The following KAT6A variants were observed in gnomAD, a reference collection of about 807,000 sequenced individuals.
The protein encoded by KAT6A is histone acetyltransferase KAT6A.
Under a neutral mutation model 198.4 loss-of-function variants are expected in KAT6A, and 9 were observed. The observed-to-expected ratio is 0.05, with a 90% CI of 0.03 to 0.08. The LOEUF is 0.08. Ranked by LOEUF, KAT6A falls within the 10% of genes least tolerant of loss-of-function variation. The probability of loss-of-function intolerance (pLI) is 1.00; values close to 1 mark genes in which losing one functional copy is unlikely to be tolerated. For missense variants in KAT6A, 2,077 were observed against 2,509.9 expected (o/e 0.83, Z 3.69); for synonymous variants, 890 against 883.0 (o/e 1.01, Z -0.14).
chr8:42,012,745 C>A (rs1826082536), intron 2 of KAT6A, among the ~76,000 whole-genome samples: 1 of 152,170 alleles, frequency 6.6e-6, no homozygotes, highest in Non-Finnish European at 1.5e-5. Context: ...ACTATATTCA[C>A]ACAAAAACCT....
At chr8:41,987,350 G>A in intron 3 of KAT6A, 105 bp downstream of exon 3, 1 of 693,288 alleles carries the variant, frequency 1.4e-6, no homozygotes, top group Non-Finnish European at 2.6e-6. Context: ...AAAGATGTAT[G>A]ACTGTATTAA....
intron 9 of KAT6A, among the ~76,000 whole-genome samples, chr8:41,950,674 A>G (rs1171751567): frequency 6.6e-6 from 1 of 152,240 alleles, no homozygotes. Flanking sequence ...ATGATAGAGT[A>G]AAAAACAGTG....
intron 3 of KAT6A, among the ~76,000 whole-genome samples, chr8:41,986,094 C>A (rs1824588217): frequency 1.3e-5 from 2 of 152,140 alleles, no homozygotes; most frequent in African/African-American, 4.8e-5. Flanking sequence ...GTGCGAACCA[C>A]CACGCCCAGC....
chr8:41,941,788 C>T (rs1205164508), intron 14 of KAT6A, among the ~76,000 whole-genome samples: 1 of 152,160 alleles, frequency 6.6e-6, no homozygotes, highest in Admixed American at 6.5e-5. Context: ...ACTCCAGAGC[C>T]TATGTTCTGA....
Position 41,979,837 on chromosome 8 carries a change from C to G in KAT6A, c.907+1009G>C, listed in dbSNP as rs1426834581. Among the ~76,000 whole-genome samples, 4 of 152,126 alleles carry G rather than the reference C, an allele frequency of 2.6e-5. No homozygotes were observed. In the East Asian group the frequency reaches 7.7e-4, roughly 29 times the overall value. ...CCAACATGGCAAAACCCCATCTCTA[C>G]TAAAAATACAAAAATTAGCCAGGTG... On this transcript the variant is annotated intron_variant, in intron 5 of 16. Transcript: ENST00000265713.
intron 2 of KAT6A, among the ~76,000 whole-genome samples, chr8:42,030,085 T>C (rs372891018): frequency 1.1e-4 from 17 of 152,226 alleles, no homozygotes; most frequent in South Asian, 1.0e-3. Flanking sequence ...TCAAGGGCAA[T>C]TGGGCGCCAG....
chr8:41,971,897 G>GAA (rs140089536), intron 8 of KAT6A, among the ~76,000 whole-genome samples: 3 of 148,512 alleles, frequency 2.0e-5, no homozygotes, highest in East Asian at 3.9e-4. Flanking sequence ...GTATGACAGA[G>GAA]AAAAAAAAAA....
chr8:41,933,784 T>A lies in KAT6A; in HGVS notation c.4436A>T (p.His1479Leu). The A allele has an allele frequency of 2.5e-6, 4 of 1,614,138 alleles. No homozygotes were observed. Among genetic ancestry groups the A allele is most frequent in the Non-Finnish European group, 3.4e-6 (4 of 1,180,026 alleles). Residue 1479 changes from histidine to leucine, a missense_variant, in exon 17 of 17, where the codon CAT (histidine) becomes CTT (leucine). This residue lies in a region of KAT6A where 178 missense variants were observed against 220.8 expected (regional missense o/e 0.81). Transcript: ENST00000265713. The surrounding 1 kb of genome is among the most constrained non-coding windows in gnomAD (Gnocchi z 6.2). ...SMVEDCHASE[H>L]NSPISSVQSH... is the part of the protein sequence containing the mutation. ...CTGAACGGAGGAGATAGGGCTATTA[T>A]GTTCTGACGCATGACAGTCTTCAAC...
Position 41,941,233 on chromosome 8 carries a change from T to G in KAT6A, c.2648A>C (p.Asp883Ala). 1 of 1,614,192 alleles carries G rather than the reference T, an allele frequency of 6.2e-7. No individual in the cohort carries two copies. Among genetic ancestry groups the G allele is most frequent in the Non-Finnish European group, 8.5e-7 (1 of 1,180,028 alleles). The change falls in exon 15 of 17, where the codon GAT (aspartate) becomes GCT (alanine). Residue 883 changes from aspartate (D) to alanine (A), a missense_variant. Asp to Ala is a moderately radical substitution (Grantham distance 126). Transcript: ENST00000265713. ...RKTQERFGDK[D>A]SKLLLEETSS... ...CGTCTCTTCCAAGAGCAGTTTAGAA[T>G]CTTTATCACCAAAACGTTCCTGGGT...
chr8:42,025,378 A>C (rs1826759077), intron 2 of KAT6A, among the ~76,000 whole-genome samples: 1 of 151,514 alleles, frequency 6.6e-6, no homozygotes. Flanking sequence ...TGCCTGGCTA[A>C]TTTTTTGTAT....
chr8:41,974,952 T>C (rs982542791), intron 7 of KAT6A, 130 bp from the exon 8 acceptor site: 4 of 494,076 alleles, frequency 8.1e-6, no homozygotes, highest in African/African-American at 7.9e-5. Context: ...AAACTGACTC[T>C]TAGAAGAATG....
chr8:42,032,086 T>C (rs1306933941), intron 2 of KAT6A, among the ~76,000 whole-genome samples: 1 of 152,064 alleles, frequency 6.6e-6, no homozygotes, highest in African/African-American at 2.4e-5. Flanking sequence ...CCTGCCACCA[T>C]GCCTGGCTAA....
At chr8:41,939,778 C>T (rs940498370) in intron 15 of KAT6A, among the ~76,000 whole-genome samples, 3 of 152,058 alleles carry the variant, frequency 2.0e-5, no homozygotes, top group Admixed American at 6.5e-5. Flanking sequence ...AAATGTAATG[C>T]GATATGCTGG....
Position 41,934,320 on chromosome 8 carries a change from C to G in KAT6A, c.3900G>C (p.Glu1300Asp), listed in dbSNP as rs772517708. ...CAGTCTCTGCAGCTGCATCTTCCTC[C>G]TCCTCTGGCTCTGGCTCCTCTAATT... is the stretch of plus-strand genomic sequence containing the variant. ...QQELEEPEPE[E>D]EEDAAAETAQ... The change falls in exon 17 of 17, where the codon GAG becomes GAC. Residue 1300 changes from glutamate to aspartate, a missense_variant. Around this residue, in one of 13 missense-constraint regions of KAT6A, gnomAD observed 375 missense variants for 383.0 expected, o/e 0.98. Transcript: ENST00000265713. 1.9e-6 allele frequency: 3 copies of G among 1,614,108 alleles called. No individual in the cohort carries two copies. Among genetic ancestry groups the G allele is most frequent in the Middle Eastern group, 1.6e-4 (1 of 6,062 alleles).
chr8:41,951,725 T>C lies in KAT6A; in HGVS notation c.1599-2362A>G, dbSNP rs1018030590. On this transcript the variant is annotated intron_variant, in intron 9 of 16. Transcript: ENST00000265713. Reference sequence around the variant, plus strand: ...TCTAACTTCTAGAATGATGCAATTATTATTCTCAGGAATTTCTACAGTACC... The same window carrying C: ...TCTAACTTCTAGAATGATGCAATTACTATTCTCAGGAATTTCTACAGTACC... Among the ~76,000 whole-genome samples the C allele has an allele frequency of 5.9e-5, 9 of 152,246 alleles. No homozygotes were observed. The South Asian group carries it at 6.2e-4, about 10-fold the overall frequency.
In KAT6A at chr8:41,933,705, A is replaced by G. The variant is rs2150856027; in HGVS notation, c.4515T>C (p.Leu1505=). Residue 1505 remains leucine (L), a synonymous_variant, in exon 17 of 17, where the codon CTT becomes CTC. Coordinates refer to ENST00000265713, the MANE Select transcript of KAT6A (RefSeq NM_006766.5). This position sits in a 1 kb window ranked among gnomAD's most constrained non-coding sequence, Gnocchi z 6.2. The part of the protein sequence containing the change: ...RSVSSPNVPA[L]ESGYTQISPE... ...GGCTGATCTGGGTGTAGCCACTCTCAAGGGCAGGCACGTTGGGACTGCTGA... is the reference window on the plus strand; with the variant it reads ...GGCTGATCTGGGTGTAGCCACTCTCGAGGGCAGGCACGTTGGGACTGCTGA... 2 of 1,614,076 alleles carry G rather than the reference A, an allele frequency of 1.2e-6. No homozygotes were observed. Among genetic ancestry groups the G allele is most frequent in the Non-Finnish European group, 1.7e-6 (2 of 1,180,016 alleles).
intron 9 of KAT6A, among the ~76,000 whole-genome samples, chr8:41,952,474 A>T (rs980012118): frequency 1.3e-5 from 2 of 152,238 alleles, no homozygotes; most frequent in Non-Finnish European, 2.9e-5. Context: ...ACCAAATGAA[A>T]CAGTATTATT....
rs764144925 is a variant in KAT6A at position 41,977,266 on chromosome 8, T to C, written c.1105A>G (p.Thr369Ala). The stretch of plus-strand genomic sequence containing the variant: ...GATGATGCTGATTGGCTGGAAAGAG[T>C]GATTTTTCGTTTCCTACCCCTTCCA... ...GPGRGRKRKITLSSQSASSSS... is the reference protein window; with the variant it reads ...GPGRGRKRKIALSSQSASSSS... The change falls in exon 7 of 17, where the codon ACT (threonine) becomes GCT (alanine). Residue 369 changes from threonine to alanine, a missense_variant. Coordinates refer to ENST00000265713, the MANE Select transcript of KAT6A (RefSeq NM_006766.5). 6.2e-7 allele frequency: 1 copy of C among 1,614,146 alleles called. No individual in the cohort carries two copies. Among genetic ancestry groups the C allele is most frequent in the East Asian group, 2.2e-5 (1 of 44,880 alleles).
chr8:41,978,887 T>A, intron 5 of KAT6A, 110 bp from the exon 6 acceptor site: 1 of 967,614 alleles, frequency 1.0e-6, no homozygotes, highest in Non-Finnish European at 1.5e-6. Context: ...AGACTGTCAT[T>A]AGAAAATCTG....
Sources: gnomAD v4.1 joint callset for allele counts (sites outside exome capture counted in the v4.1 genomes callset) on GRCh38, gnomAD v4.1.1 for gene constraint, gnomAD v4.1.1 regional missense constraint, Gnocchi (gnomAD v3.1) non-coding constraint, MANE v1.5 for transcripts, NCBI Gene and HGNC (gene_info 2026-07-23, HGNC 2026-07-21) for gene names.